The following PTPRD variants were observed in gnomAD, a reference collection of about 807,000 sequenced individuals.
PTPRD encodes the protein protein tyrosine phosphatase receptor type D.
In PTPRD, 34 loss-of-function variants were observed where a neutral mutation model predicts 214.5. That is an observed-to-expected ratio of 0.16 (90% CI 0.12 to 0.21). The LOEUF is 0.21. Among genes scored for constraint, PTPRD ranks in the 10% least tolerant of loss-of-function variants. PTPRD has a pLI of 1.00. For synonymous variants in PTPRD, 1,128 were observed against 845.7 expected (o/e 1.33, Z -5.79); for missense variants, 2,545 against 2,398.7 (o/e 1.06, Z -1.27).
chr9:9,987,303 TC>T (rs1186704093), intron 4 of PTPRD, among the ~76,000 whole-genome samples: 15 of 152,272 alleles, frequency 9.9e-5, no homozygotes, highest in Middle Eastern at 3.4e-3. Context: ...TGCTGTGTTG[TC>T]CATTTTCACA....
intron 10 of PTPRD, among the ~76,000 whole-genome samples, chr9:9,144,281 GTGT>G (rs1404769159): frequency 1.1e-4 from 17 of 152,202 alleles, no homozygotes; most frequent in African/African-American, 3.9e-4. Context: ...GGCTATAGTG[GTGT>G]TGAGCTGCTG....
At chr9:9,101,719 C>T (rs1250177424) in intron 10 of PTPRD, among the ~76,000 whole-genome samples, 1 of 152,092 alleles carries the variant, frequency 6.6e-6, no homozygotes, top group Non-Finnish European at 1.5e-5. Context: ...TGCATGTTAC[C>T]CCACTGAGTT....
chr9:10,246,021 T>G (rs2092024288), intron 3 of PTPRD, among the ~76,000 whole-genome samples: 1 of 152,160 alleles, frequency 6.6e-6, no homozygotes, highest in Non-Finnish European at 1.5e-5. Context: ...AATTTCCTAT[T>G]TTGTATTTCC....
intron 11 of PTPRD, among the ~76,000 whole-genome samples, chr9:8,913,773 A>G (rs978364222): frequency 2.0e-5 from 3 of 152,120 alleles, no homozygotes; most frequent in African/African-American, 7.2e-5. Context: ...ATAAACGTAT[A>G]CTTATTGGTG....
intron 8 of PTPRD, among the ~76,000 whole-genome samples, chr9:9,552,588 ACTT>A (rs1569569213): frequency 6.6e-6 from 1 of 151,962 alleles, no homozygotes; most frequent in Non-Finnish European, 1.5e-5. Context: ...CCTATAGCAA[ACTT>A]CTTCTGTCTA....
intron 5 of PTPRD, among the ~76,000 whole-genome samples, chr9:9,886,479 T>C (rs977347748): frequency 3.9e-5 from 6 of 152,122 alleles, no homozygotes; most frequent in African/African-American, 9.7e-5. Context: ...GGAGGCTGTG[T>C]ATTTTTCCCA....
At chr9:10,341,670 T>C (rs1362161782) in intron 2 of PTPRD, among the ~76,000 whole-genome samples, 5 of 151,986 alleles carry the variant, frequency 3.3e-5, no homozygotes, top group African/African-American at 7.2e-5. Context: ...GGTTTTAACA[T>C]TGTAACATTA....
chr9:9,964,113 G>C (rs1282985291), intron 4 of PTPRD, among the ~76,000 whole-genome samples: 1 of 150,262 alleles, frequency 6.7e-6, no homozygotes, highest in Non-Finnish European at 1.5e-5. Flanking sequence ...GAGACAGAGA[G>C]AGACAGATGC....
At chr9:10,025,148 T>C (rs1029105569) in intron 4 of PTPRD, among the ~76,000 whole-genome samples, 1 of 152,258 alleles carries the variant, frequency 6.6e-6, no homozygotes, top group Non-Finnish European at 1.5e-5. Context: ...ATATACCCAG[T>C]AATGGGATGG....
intron 7 of PTPRD, among the ~76,000 whole-genome samples, chr9:9,722,114 C>T (rs1450287052): frequency 6.6e-6 from 1 of 151,938 alleles, no homozygotes; most frequent in Non-Finnish European, 1.5e-5. Flanking sequence ...AAAACTCTCC[C>T]TTTTAAAGTA....
chr9:9,492,984 T>C (rs2154211353), intron 8 of PTPRD, among the ~76,000 whole-genome samples: 1 of 147,480 alleles, frequency 6.8e-6, no homozygotes, highest in Non-Finnish European at 1.5e-5. Flanking sequence ...GTATGTGGTC[T>C]GACTGCTCCA....
intron 11 of PTPRD, among the ~76,000 whole-genome samples, chr9:9,003,646 T>C (rs1332471482): frequency 1.3e-5 from 2 of 152,052 alleles, no homozygotes; most frequent in Non-Finnish European, 2.9e-5. Context: ...AAGTAGATTG[T>C]GAATGACAGG....
At chr9:9,195,706 T>C (rs1020650630) in intron 9 of PTPRD, among the ~76,000 whole-genome samples, 1 of 135,864 alleles carries the variant, frequency 7.4e-6, no homozygotes, top group East Asian at 2.8e-4. Context: ...GCCATCAACA[T>C]TTTTAAATGC....
intron 2 of PTPRD, among the ~76,000 whole-genome samples, chr9:10,473,870 T>C (rs1588987786): frequency 6.6e-6 from 1 of 152,050 alleles, no homozygotes; most frequent in Non-Finnish European, 1.5e-5. Flanking sequence ...CTCCTCTTAA[T>C]GTTGATGATT....
chr9:10,319,762 G>C (rs2096519603), intron 3 of PTPRD, among the ~76,000 whole-genome samples: 1 of 151,906 alleles, frequency 6.6e-6, no homozygotes, highest in South Asian at 2.1e-4. Context: ...TAGCAATAAA[G>C]AGTACTTAAA....
chr9:10,523,090 T>C (rs962857809), intron 2 of PTPRD, among the ~76,000 whole-genome samples: 5 of 152,088 alleles, frequency 3.3e-5, no homozygotes, highest in Non-Finnish European at 7.4e-5. Flanking sequence ...CTAATGAACA[T>C]GCTTCATCAA....
In PTPRD at chr9:8,330,255, C is replaced by G. The variant is rs576676216; in HGVS notation, c.5534+1327G>C. Among the ~76,000 whole-genome samples the G allele has an allele frequency of 3.9e-5, 6 of 152,292 alleles. No homozygotes were observed. The East Asian group carries it at 1.2e-3, about 29-fold the overall frequency. On this transcript the variant is annotated intron_variant, in intron 44 of 45. Coordinates refer to ENST00000381196, the MANE Select transcript of PTPRD (RefSeq NM_002839.4). ...GATGAAATGGGAAACGCAGAAATCC[C>G]CTGCCTTCTGTGTCAATCTCACTGG...
At chr9:9,324,741 G>A (rs1317313576) in intron 9 of PTPRD, among the ~76,000 whole-genome samples, 1 of 151,956 alleles carries the variant, frequency 6.6e-6, no homozygotes, top group African/African-American at 2.4e-5. Flanking sequence ...ATTGCTTTTG[G>A]TGTTTCAGTC....
At chr9:9,523,984 G>A (rs534625690) in intron 8 of PTPRD, among the ~76,000 whole-genome samples, 5 of 152,224 alleles carry the variant, frequency 3.3e-5, no homozygotes, top group South Asian at 2.1e-4. Context: ...AATTCCCTCA[G>A]CCACAGCCAT....
Sources: allele counts gnomAD v4.1 joint callset (sites outside exome capture counted in the v4.1 genomes callset), GRCh38; gene constraint gnomAD v4.1.1; transcripts MANE v1.5; gene names NCBI Gene and HGNC (gene_info 2026-07-23, HGNC 2026-07-21).